Variants in MPZL3 observed in about 807,000 individuals in gnomAD.
MPZL3 encodes the protein myelin protein zero-like protein 3.
A neutral mutation model predicts 24.8 loss-of-function variants in MPZL3; 23 were observed. The ratio of observed to expected loss-of-function variants is 0.93; its 90% confidence interval spans 0.67 to 1.31. The LOEUF (loss-of-function observed/expected upper bound fraction) is 1.31, where lower values mean the gene tolerates loss of function less well. MPZL3 is among the 40% of genes most tolerant of loss of function. The pLI is 0.00. For missense variants in MPZL3, 277 were observed against 294.9 expected, an observed-to-expected ratio of 0.94 and a Z score of 0.44; for synonymous variants, 99 against 106.5, an observed-to-expected ratio of 0.93 and a Z score of 0.44.
intron 1 of MPZL3, 137 bp downstream of exon 1, chr11:118,252,085 A>G: frequency 1.2e-6 from 1 of 811,148 alleles, no homozygotes; most frequent in Non-Finnish European, 2.1e-6. Flanking sequence ...CATCGTCCCA[A>G]CGTCCCGCTC....
At chr11:118,243,317 T>C (rs1356343410) in intron 1 of MPZL3, among the ~76,000 whole-genome samples, 1 of 152,178 alleles carries the variant, frequency 6.6e-6, no homozygotes, top group Admixed American at 6.5e-5. Flanking sequence ...TACATCGTCA[T>C]GAAACTCGAG....
chr11:118,240,493 A>G, intron 1 of MPZL3, 116 bp from the exon 2 acceptor site: 1 of 1,037,116 alleles, frequency 9.6e-7, no homozygotes, highest in Non-Finnish European at 1.4e-6. Flanking sequence ...AAATATTAAC[A>G]ACTATCTTCT....
rs942073545 is a variant in MPZL3, at chr11:118,235,517, G to A, written c.524C>T (p.Ala175Val). ...LVFVPSAVVVALLLVRMGRKA... is the reference protein window; with the variant it reads ...LVFVPSAVVVVLLLVRMGRKA... Reference sequence around the variant, plus strand: ...CCTCCCCATTCTCACCAGCAGCAGAGCAACCACCACGGCTGAGGGCACAAA... The same window carrying A: ...CCTCCCCATTCTCACCAGCAGCAGAACAACCACCACGGCTGAGGGCACAAA... The change falls in exon 4 of 6, where the codon GCT (alanine) becomes GTT (valine). Residue 175 changes from alanine (A) to valine (V), a missense_variant. Physicochemically the swap from Ala to Val is moderately conservative, Grantham distance 64. Transcript: ENST00000278949. The A allele has an allele frequency of 9.9e-6, 16 of 1,613,826 alleles. No homozygotes were observed. Among genetic ancestry groups the A allele is most frequent in the Non-Finnish European group, 1.3e-5 (15 of 1,179,948 alleles).
At chr11:118,231,468 GT>G (rs35949458) in intron 5 of MPZL3, among the ~76,000 whole-genome samples, 54,662 of 151,862 alleles carry the variant, frequency 0.36, 13,714 homozygotes, top group African/African-American at 0.71. Context: ...GGAAATGTCT[GT>G]TATCAGTCTC....
intron 4 of MPZL3, among the ~76,000 whole-genome samples, chr11:118,234,048 C>CA (rs1949388461): frequency 6.6e-6 from 1 of 152,078 alleles, no homozygotes; most frequent in Non-Finnish European, 1.5e-5. Flanking sequence ...CCTTAAAGCA[C>CA]AGTTGTTAGG....
intron 4 of MPZL3, 54 bp downstream of exon 4, chr11:118,235,370 G>A (rs1949409254): frequency 3.1e-6 from 5 of 1,591,380 alleles, no homozygotes; most frequent in Admixed American, 3.4e-5. Flanking sequence ...GGGGGTCTGG[G>A]TAGAGCGCTA....
intron 5 of MPZL3, among the ~76,000 whole-genome samples, chr11:118,232,020 T>C (rs544600432): frequency 6.6e-6 from 1 of 152,310 alleles, no homozygotes; most frequent in Non-Finnish European, 1.5e-5. Context: ...TTTCATTGAG[T>C]AGAAGTCCAG....
At chr11:118,247,496 C>G (rs1217443439) in intron 1 of MPZL3, among the ~76,000 whole-genome samples, 1 of 152,198 alleles carries the variant, frequency 6.6e-6, no homozygotes, top group Non-Finnish European at 1.5e-5. Flanking sequence ...TGTATTAATA[C>G]TTAATTGGCT....
At chr11:118,234,760 G>C (rs577946179) in intron 4 of MPZL3, among the ~76,000 whole-genome samples, 93 of 151,680 alleles carry the variant, frequency 6.1e-4, no homozygotes, top group South Asian at 5.0e-3. Context: ...CACACACAGA[G>C]AGAGATTGAA....
intron 1 of MPZL3, among the ~76,000 whole-genome samples, chr11:118,251,708 A>G (rs1391060910): frequency 2.0e-5 from 3 of 152,234 alleles, no homozygotes; most frequent in African/African-American, 7.2e-5. Context: ...ATGCTTCTCT[A>G]TAACGAATCA....
At chr11:118,245,196 C>G (rs1019654861) in intron 1 of MPZL3, among the ~76,000 whole-genome samples, 1 of 151,870 alleles carries the variant, frequency 6.6e-6, no homozygotes, top group Non-Finnish European at 1.5e-5. Context: ...GTCAGGAGTT[C>G]GAGACCAGCC....
intron 4 of MPZL3, among the ~76,000 whole-genome samples, chr11:118,233,830 C>T (rs1268473730): frequency 6.6e-6 from 1 of 152,100 alleles, no homozygotes. Context: ...CCCGTCTCTA[C>T]TGAAAATACA....
chr11:118,246,401 A>C (rs1174132838), intron 1 of MPZL3, among the ~76,000 whole-genome samples: 1 of 151,080 alleles, frequency 6.6e-6, no homozygotes, highest in African/African-American at 2.4e-5. Context: ...TTGCCAGCTC[A>C]ACATCCATTT....
chr11:118,244,671 C>T (rs1348921926), intron 1 of MPZL3, among the ~76,000 whole-genome samples: 1 of 152,198 alleles, frequency 6.6e-6, no homozygotes, highest in Non-Finnish European at 1.5e-5. Context: ...AAAAACAGAC[C>T]AGGCAGGACC....
Position 118,228,857 on chromosome 11 carries a change from A to C in MPZL3, c.*1037T>G, listed in dbSNP as rs1417827307. 6.6e-6 allele frequency: 1 copy of C among 152,188 alleles called. No individual in the cohort carries two copies. The highest frequency in any genetic ancestry group is 2.4e-5 in the African/African-American group (1 of 41,438). 9.4% of individuals were successfully genotyped at this position (152,188 alleles called of 1,614,324 possible). A position where few individuals can be genotyped will look rare whatever the true frequency, so the allele number is the denominator to read the frequency against. On this transcript the variant is annotated 3_prime_UTR_variant, in exon 6 of 6. Transcript: ENST00000278949. Reference sequence around the variant, plus strand: ...GAAAATAAAATAACAGGCCAAGCACAGTGGCTCATGCCTGTAATCCCAACA... The same window carrying C: ...GAAAATAAAATAACAGGCCAAGCACCGTGGCTCATGCCTGTAATCCCAACA...
chr11:118,235,733 A>C (rs1186789862), intron 3 of MPZL3, 144 bp from the exon 4 acceptor site: 3 of 874,052 alleles, frequency 3.4e-6, no homozygotes, highest in East Asian at 5.4e-5. Context: ...GAAAATACAC[A>C]AAAGTACAAT....
At chr11:118,247,280 C>T (rs1949567010) in intron 1 of MPZL3, among the ~76,000 whole-genome samples, 2 of 152,284 alleles carry the variant, frequency 1.3e-5, no homozygotes. Flanking sequence ...TAAACAGCAA[C>T]TGACTTTACT....
intron 1 of MPZL3, among the ~76,000 whole-genome samples, chr11:118,246,510 G>C (rs1003108948): frequency 2.6e-5 from 4 of 151,542 alleles, no homozygotes; most frequent in Non-Finnish European, 5.9e-5. Flanking sequence ...TCAGGATCCA[G>C]GCAGGCAATG....
chr11:118,251,563 CTAATTT>C (rs1359665128), intron 1 of MPZL3, among the ~76,000 whole-genome samples: 3 of 151,954 alleles, frequency 2.0e-5, no homozygotes, highest in African/African-American at 2.4e-5. Context: ...CAAAACTCAC[CTAATTT>C]TAAGATGTGA....
Sources: gnomAD v4.1 joint callset for allele counts (sites outside exome capture counted in the v4.1 genomes callset) on GRCh38, gnomAD v4.1.1 for gene constraint, MANE v1.5 for transcripts, NCBI Gene and HGNC (gene_info 2026-07-23, HGNC 2026-07-21) for gene names.